The following GCNT2 variants were observed in gnomAD, a reference collection of about 807,000 sequenced individuals.
GCNT2 encodes N-acetyllactosaminide beta-1,6-N-acetylglucosaminyl-transferase.
GCNT2 carries 34 observed loss-of-function variants against 34.2 expected under a neutral mutation model. The observed-to-expected ratio is 1.00, with a 90% CI of 0.76 to 1.32. The LOEUF (loss-of-function observed/expected upper bound fraction) is 1.32, where lower values mean the gene tolerates loss of function less well. Among genes scored for constraint, GCNT2 ranks in the 40% most tolerant of loss-of-function variants. GCNT2 has a pLI of 0.00. For missense variants in GCNT2, 584 were observed against 489.4 expected, an observed-to-expected ratio of 1.19 and a Z score of -1.82; for synonymous variants, 212 against 188.0, an observed-to-expected ratio of 1.13 and a Z score of -1.04.
chr6:10,568,605 C>T (rs1763387623), intron 3 of GCNT2, among the ~76,000 whole-genome samples: 1 of 152,202 alleles, frequency 6.6e-6, no homozygotes. Flanking sequence ...CCAAAAGCTT[C>T]AGTGAGTGTC....
At chr6:10,614,020 C>A (rs996096449) in intron 3 of GCNT2, among the ~76,000 whole-genome samples, 1 of 152,148 alleles carries the variant, frequency 6.6e-6, no homozygotes, top group African/African-American at 2.4e-5. Context: ...TGGACATTGG[C>A]AAGAGTGATG....
intron 3 of GCNT2, chr6:10,586,309 T>C (rs767022506): frequency 1.9e-6 from 3 of 1,614,078 alleles, no homozygotes; most frequent in Non-Finnish European, 2.5e-6. Context: ...CATAAGGACT[T>C]TGACACCTTT....
chr6:10,557,201 T>A, intron 3 of GCNT2: 1 of 1,564,560 alleles, frequency 6.4e-7, no homozygotes, highest in Non-Finnish European at 8.6e-7. Flanking sequence ...CACAATTTAC[T>A]TTGGCTCTGC....
At chr6:10,611,083 C>T (rs976367377) in intron 3 of GCNT2, among the ~76,000 whole-genome samples, 13 of 152,130 alleles carry the variant, frequency 8.5e-5, no homozygotes, top group Middle Eastern at 3.4e-3. Context: ...GTAAGTTTCT[C>T]GTGTTAAAAA....
At chr6:10,560,363 T>A (rs1561799892) in intron 3 of GCNT2, among the ~76,000 whole-genome samples, 1 of 152,190 alleles carries the variant, frequency 6.6e-6, no homozygotes, top group African/African-American at 2.4e-5. Context: ...AGTGCTGGGA[T>A]TACAGGCATG....
intron 3 of GCNT2, among the ~76,000 whole-genome samples, chr6:10,552,572 T>C (rs1427049254): frequency 6.6e-6 from 1 of 152,172 alleles, no homozygotes; most frequent in Non-Finnish European, 1.5e-5. Context: ...TATTCGGTAT[T>C]ATAAGTAATT....
chr6:10,591,040 C>T (rs891071752), intron 3 of GCNT2, among the ~76,000 whole-genome samples: 4 of 152,372 alleles, frequency 2.6e-5, no homozygotes, highest in South Asian at 2.1e-4. Context: ...CCTCCCAGAT[C>T]GTGTTTCAAC....
At chr6:10,524,413 C>T (rs1444552741) in intron 1 of GCNT2, among the ~76,000 whole-genome samples, 7 of 151,918 alleles carry the variant, frequency 4.6e-5, no homozygotes, top group Admixed American at 1.3e-4. Context: ...CCACCACGCC[C>T]GGCTAATTTT....
Position 10,611,979 on chromosome 6 carries a change from T to G in GCNT2, c.926-9372T>G, listed in dbSNP as rs1023779999. Among the ~76,000 whole-genome samples, 60 of 147,222 alleles carry G rather than the reference T, an allele frequency of 4.1e-4. No individual in the cohort carries two copies. The East Asian group carries it at 5.5e-3, about 14-fold the overall frequency. On this transcript the variant is annotated intron_variant, in intron 3 of 4. Coordinates refer to ENST00000495262, the MANE Select transcript of GCNT2 (RefSeq NM_145649.5). ...TTCATATTCTGGTGTTTTTGTGGGG[T>G]TTTTTTTTTGTTTGCTTGTTTTTTT...
intron 1 of GCNT2, among the ~76,000 whole-genome samples, chr6:10,526,184 G>A (rs1376444216): frequency 2.6e-5 from 4 of 152,132 alleles, no homozygotes; most frequent in Non-Finnish European, 5.9e-5. Flanking sequence ...CTGGATAGAC[G>A]CATGAAAGAT....
chr6:10,564,964 G>A (rs1763212677), intron 3 of GCNT2, among the ~76,000 whole-genome samples: 1 of 152,122 alleles, frequency 6.6e-6, no homozygotes, highest in African/African-American at 2.4e-5. Flanking sequence ...TGCTATGAGG[G>A]AAATACACAG....
At position 10,628,380 on chromosome 6, in the gene GCNT2, A is replaced by G. The variant is rs1398598843; in HGVS notation, c.*1773A>G. On this transcript the variant is annotated 3_prime_UTR_variant, in exon 5 of 5. Transcript: ENST00000495262. The stretch of plus-strand genomic sequence containing the variant: ...GCTTGTTGAATGTCAATCATATTTA[A>G]AGGGAATGACTTTGAAGTAAAACCT... The G allele has an allele frequency of 1.3e-5, 2 of 152,376 alleles. No individual in the cohort carries two copies. Among genetic ancestry groups the G allele is most frequent in the Non-Finnish European group, 2.9e-5 (2 of 68,028 alleles). 9.4% of individuals were successfully genotyped at this position (152,376 alleles called of 1,614,324 possible).
chr6:10,599,408 T>G (rs1765004260), intron 3 of GCNT2, among the ~76,000 whole-genome samples: 1 of 152,226 alleles, frequency 6.6e-6, no homozygotes, highest in South Asian at 2.1e-4. Context: ...TGGTGTTGTT[T>G]CCACCAGAAT....
Position 10,628,068 on chromosome 6 carries a change from G to C in GCNT2, c.*1461G>C, listed in dbSNP as rs1766343851. 1 of 152,522 alleles carries C rather than the reference G, an allele frequency of 6.6e-6. No individual in the cohort carries two copies. Among genetic ancestry groups the C allele is most frequent in the African/African-American group, 2.4e-5 (1 of 41,388 alleles). 9.4% of individuals were successfully genotyped at this position (152,522 alleles called of 1,614,324 possible). A position where few individuals can be genotyped will look rare whatever the true frequency, so the allele number is the denominator to read the frequency against. On this transcript the variant is annotated 3_prime_UTR_variant, in exon 5 of 5. Transcript: ENST00000495262. The stretch of plus-strand genomic sequence containing the variant: ...GAACAATTTCTCTGGGTGAGAATTG[G>C]GACTCTGTTGCTGGTCTTCTCAGTT...
rs778485764 is a variant in GCNT2 at position 10,529,536 on chromosome 6, G to C, written c.625G>C (p.Gly209Arg). The C allele has an allele frequency of 6.2e-7, 1 of 1,613,948 alleles. No homozygotes were observed. Among genetic ancestry groups the C allele is most frequent in the Non-Finnish European group, 8.5e-7 (1 of 1,180,020 alleles). The change falls in exon 3 of 5, where the codon GGA (glycine) becomes CGA (arginine). Residue 209 changes from glycine to arginine, a missense_variant. Transcript: ENST00000495262. ...CAGGGAAATAGTTCAGTATCTGAAGGGATTTAAAGGGAAAAATATCACCCC... is the reference window on the plus strand; with the variant it reads ...CAGGGAAATAGTTCAGTATCTGAAGCGATTTAAAGGGAAAAATATCACCCC... ...TNREIVQYLK[G>R]FKGKNITPGV...
At chr6:10,623,360 C>T (rs1042245038) in intron 4 of GCNT2, among the ~76,000 whole-genome samples, 5 of 151,252 alleles carry the variant, frequency 3.3e-5, no homozygotes, top group East Asian at 2.0e-4. Context: ...GGCACAATCT[C>T]GGCTCACTGG....
intron 3 of GCNT2, among the ~76,000 whole-genome samples, chr6:10,580,837 C>G (rs186846945): frequency 1.3e-4 from 20 of 152,194 alleles, no homozygotes; most frequent in Middle Eastern, 3.4e-3. Flanking sequence ...CTCAGAGGGC[C>G]CCGCAGGCAG....
At chr6:10,535,066 C>T (rs1177763062) in intron 3 of GCNT2, among the ~76,000 whole-genome samples, 2 of 152,040 alleles carry the variant, frequency 1.3e-5, no homozygotes, top group Non-Finnish European at 2.9e-5. Context: ...TGCCTGTAAC[C>T]CCAGCTACTC....
intron 3 of GCNT2, chr6:10,573,078 G>T: frequency 1.8e-6 from 1 of 547,504 alleles, no homozygotes; most frequent in Non-Finnish European, 2.3e-6. Flanking sequence ...GAAGTTGCAA[G>T]AAATCACTGC....
Sources: allele counts gnomAD v4.1 joint callset (sites outside exome capture counted in the v4.1 genomes callset), GRCh38; gene constraint gnomAD v4.1.1; transcripts MANE v1.5; gene names NCBI Gene and HGNC (gene_info 2026-07-23, HGNC 2026-07-21).